The following REC8 variants were observed in gnomAD, a reference collection of about 807,000 sequenced individuals.
REC8 encodes the protein REC8 meiotic recombination protein.
REC8 carries 42 observed loss-of-function variants against 78.3 expected under a neutral mutation model. The ratio of observed to expected loss-of-function variants is 0.54; its 90% CI spans 0.42 to 0.69. The LOEUF is 0.69. Among genes scored for constraint, REC8 ranks in the 30% least tolerant of loss-of-function variants. REC8 has a pLI of 0.00. For missense variants in REC8, 581 were observed against 715.8 expected (o/e 0.81, Z 2.15); for synonymous variants, 268 against 274.1 (o/e 0.98, Z 0.22).
intron 5 of REC8, among the ~76,000 whole-genome samples, chr14:24,173,739 A>G (rs1028256875): frequency 2.6e-5 from 4 of 152,034 alleles, no homozygotes; most frequent in Non-Finnish European, 5.9e-5. Context: ...TCTATTCCCA[A>G]TACTCCTACA....
intron 5 of REC8, among the ~76,000 whole-genome samples, chr14:24,174,862 T>G (rs1457392648): frequency 6.6e-6 from 1 of 152,138 alleles, no homozygotes; most frequent in Admixed American, 6.6e-5. Flanking sequence ...GCTAGGGCCT[T>G]GTTTTACCCT....
chr14:24,179,220 T>C, intron 15 of REC8, 87 bp downstream of exon 15: 1 of 1,294,234 alleles, frequency 7.7e-7, no homozygotes, highest in Non-Finnish European at 1.1e-6. Context: ...AGCTGTTTTA[T>C]GAGTGAAGGC....
chr14:24,180,806 G>A, downstream of REC8: 1 of 1,567,060 alleles, frequency 6.4e-7, no homozygotes, highest in Non-Finnish European at 8.7e-7. Context: ...CAGACCCCAG[G>A]TCTAGGAGGG....
rs958533563 is a variant in REC8 at position 24,175,553 on chromosome 14, T to A, written c.473T>A (p.Leu158His). Residue 158 changes from leucine (L) to histidine (H), a missense_variant, in exon 6 of 19, where the codon CTC (leucine) becomes CAC (histidine). Coordinates refer to ENST00000611366, the MANE Select transcript of REC8 (RefSeq NM_001048205.2). ...AATCCCTCTCCAAAGATTCGACACC[T>A]CTTAGAGGCTGCAATCCCAGAGAGA... is the stretch of plus-strand genomic sequence containing the variant. ...SPFDIPQIRH[L>H]LEAAIPERVE... 1 of 1,613,772 alleles carries A rather than the reference T, an allele frequency of 6.2e-7. No individual in the cohort carries two copies. The highest frequency in any genetic ancestry group is 8.5e-7 in the Non-Finnish European group (1 of 1,179,752).
chr14:24,178,373 GA>G (rs2038997726), intron 12 of REC8, 151 bp downstream of exon 12: 1 of 822,644 alleles, frequency 1.2e-6, no homozygotes, highest in African/African-American at 1.7e-5. Context: ...AAATGCAGGC[GA>G]TGTGGGTTTG....
At chr14:24,177,075 T>C (rs2038929198) in intron 7 of REC8, 66 bp from the exon 8 acceptor site, 2 of 1,522,156 alleles carry the variant, frequency 1.3e-6, no homozygotes, top group Non-Finnish European at 1.8e-6. Context: ...TCCACTCTCC[T>C]GGATCCACTT....
chr14:24,176,925 C>T (rs1299655272), intron 7 of REC8, 24 bp downstream of exon 7: 2 of 1,584,890 alleles, frequency 1.3e-6, no homozygotes, highest in East Asian at 4.5e-5. Flanking sequence ...CACACAGGGC[C>T]TGAGGTCCAG....
chr14:24,177,911 A>T, intron 11 of REC8, 153 bp downstream of exon 11: 3 of 1,484,800 alleles, frequency 2.0e-6, no homozygotes, highest in Non-Finnish European at 2.7e-6. Context: ...TATCTGGCCT[A>T]CGCTTCCCAG....
chr14:24,175,168 G>A (rs531867631), intron 5 of REC8: 16 of 168,426 alleles, frequency 9.5e-5, no homozygotes, highest in Admixed American at 3.0e-4. Flanking sequence ...ACCAAGCCCG[G>A]CTAATTTTTG....
At chr14:24,177,804 C>A in intron 11 of REC8, 46 bp downstream of exon 11, 2 of 1,519,046 alleles carry the variant, frequency 1.3e-6, no homozygotes, top group South Asian at 1.3e-5. Context: ...TCTTTGCCCT[C>A]CCCCACAAGG....
Position 24,172,607 on chromosome 14 carries a change from T to C in REC8, c.55T>C (p.Trp19Arg). The change falls in exon 1 of 19, where the codon TGG (tryptophan) becomes CGG (arginine). Residue 19 changes from tryptophan (W) to arginine (R), a missense_variant and splice_region_variant. By Grantham distance (101) the Trp-to-Arg change is moderately radical. Transcript: ENST00000611366. Reference protein sequence around the residue: ...QRHTGCFATIWLAATRGSRLV... With the variant: ...QRHTGCFATIRLAATRGSRLV... ...CCACACCGGCTGCTTTGCCACCATC[T>C]GGTAAGGGCGGGGCCCGTTGGCGCG... The C allele has an allele frequency of 6.2e-7, 1 of 1,613,368 alleles. No homozygotes were observed. The highest frequency in any genetic ancestry group is 8.5e-7 in the Non-Finnish European group (1 of 1,179,476).
chr14:24,175,535 C>T lies in REC8; in HGVS notation c.463-8C>T, dbSNP rs201003123. On this transcript the variant is annotated splice_region_variant and splice_polypyrimidine_tract_variant and intron_variant, in intron 5 of 18. Transcript: ENST00000611366. Reference sequence around the variant, plus strand: ...ACCCTATCTTTTGTTTCCAATCCCTCTCCAAAGATTCGACACCTCTTAGAG... The same window carrying T: ...ACCCTATCTTTTGTTTCCAATCCCTTTCCAAAGATTCGACACCTCTTAGAG... The T allele has an allele frequency of 1.6e-4, 256 of 1,611,598 alleles. No individual in the cohort carries two copies. The highest frequency in any genetic ancestry group is 2.0e-4 in the Non-Finnish European group (241 of 1,177,756).
chr14:24,180,433 G>GC, downstream of REC8: 1 of 1,603,310 alleles, frequency 6.2e-7, no homozygotes, highest in Non-Finnish European at 8.5e-7. Flanking sequence ...ACTGGCTGCA[G>GC]CCTGCAGTCT....
chr14:24,178,314 G>A (rs2038993772), intron 12 of REC8, 92 bp downstream of exon 12: 1 of 1,185,080 alleles, frequency 8.4e-7, no homozygotes, highest in Non-Finnish European at 1.2e-6. Context: ...CCTCAGGTGG[G>A]TGGGGGGAGG....
chr14:24,178,015 T>G (rs924930361), intron 11 of REC8, 76 bp from the exon 12 acceptor site: 1 of 1,553,194 alleles, frequency 6.4e-7, no homozygotes, highest in Non-Finnish European at 8.7e-7. Context: ...TGTGGGGTCC[T>G]GTTAGCAGTC....
chr14:24,178,937 C>T (rs777413010), intron 14 of REC8, 21 bp downstream of exon 14: 2 of 1,612,042 alleles, frequency 1.2e-6, no homozygotes, highest in South Asian at 2.2e-5. Context: ...CACCTGTTTA[C>T]TGCATCGCCC....
Position 24,179,627 on chromosome 14 carries a change from C to G in REC8, c.1352C>G (p.Pro451Arg). The G allele has an allele frequency of 6.2e-7, 1 of 1,614,230 alleles. No homozygotes were observed. The highest frequency in any genetic ancestry group is 8.5e-7 in the Non-Finnish European group (1 of 1,180,038). The change falls in exon 17 of 19, where the codon CCT (proline) becomes CGT (arginine). Residue 451 changes from proline (P) to arginine (R), a missense_variant. Coordinates refer to ENST00000611366, the MANE Select transcript of REC8 (RefSeq NM_001048205.2). ...CCTGAGGTGGAGGCGCCAGAAGCTC[C>G]TGCATTGCCCGTGGTGCCTGAACTC... ...AWPEVEAPEA[P>R]ALPVVPELPE...
chr14:24,173,340 G>A lies in REC8; in HGVS notation c.391G>A (p.Asp131Asn). The A allele has an allele frequency of 1.2e-6, 2 of 1,614,208 alleles. No homozygotes were observed. Among genetic ancestry groups the A allele is most frequent in the East Asian group, 2.2e-5 (1 of 44,892 alleles). Reference protein sequence around the residue: ...NHLAMMETLEDAPDPFFGMMS... With the variant: ...NHLAMMETLENAPDPFFGMMS... Reference sequence around the variant, plus strand: ...CCTGGCCATGATGGAGACCCTAGAAGATGCTCCAGATCCCTTTTTTGGGAT... The same window carrying A: ...CCTGGCCATGATGGAGACCCTAGAAAATGCTCCAGATCCCTTTTTTGGGAT... Residue 131 changes from aspartate (D) to asparagine (N), a missense_variant, in exon 5 of 19, where the codon GAT (aspartate) becomes AAT (asparagine). Physicochemically the swap from Asp to Asn is conservative, Grantham distance 23. Coordinates refer to ENST00000611366, the MANE Select transcript of REC8 (RefSeq NM_001048205.2).
chr14:24,178,231 A>T lies in REC8; in HGVS notation c.996+9A>T. 1 of 1,611,482 alleles carries T rather than the reference A, an allele frequency of 6.2e-7. No homozygotes were observed. Among genetic ancestry groups the T allele is most frequent in the Non-Finnish European group, 8.5e-7 (1 of 1,177,942 alleles). ...CCCACTGCTGGGAATGTGTGAGTGCAGCCCAGGCTTTGCCGGGGAAGGGAG... is the reference window on the plus strand; with the variant it reads ...CCCACTGCTGGGAATGTGTGAGTGCTGCCCAGGCTTTGCCGGGGAAGGGAG... On this transcript the variant is annotated intron_variant, in intron 12 of 18. Coordinates refer to ENST00000611366, the MANE Select transcript of REC8 (RefSeq NM_001048205.2).
Sources: allele counts gnomAD v4.1 joint callset (sites outside exome capture counted in the v4.1 genomes callset), GRCh38; gene constraint gnomAD v4.1.1; transcripts MANE v1.5; gene names NCBI Gene and HGNC (gene_info 2026-07-23, HGNC 2026-07-21).